The following RBFOX1 variants were observed in gnomAD, a reference collection of about 807,000 sequenced individuals.
RBFOX1 encodes the protein RNA binding protein fox-1 homolog 1.
RBFOX1 carries 8 observed loss-of-function variants against 57.7 expected under a neutral mutation model. The ratio of observed to expected loss-of-function variants is 0.14; its 90% CI spans 0.08 to 0.25. The LOEUF is 0.25. Ranked by LOEUF, RBFOX1 falls within the 10% of genes least tolerant of loss-of-function variation. The pLI, the probability that RBFOX1 is intolerant of heterozygous loss-of-function variation, is 1.00. For missense variants in RBFOX1, 611 were observed against 548.5 expected (o/e 1.11, Z -1.14); for synonymous variants, 326 against 222.4 (o/e 1.47, Z -4.15).
chr16:6,700,021 C>T (rs902581563), intron 3 of RBFOX1, among the ~76,000 whole-genome samples: 2 of 152,140 alleles, frequency 1.3e-5, no homozygotes, highest in Non-Finnish European at 2.9e-5. Flanking sequence ...TCTTTTCCTT[C>T]TCTTACGATT....
intron 4 of RBFOX1, among the ~76,000 whole-genome samples, chr16:5,879,065 G>A: frequency 6.6e-6 from 1 of 152,212 alleles, no homozygotes; most frequent in East Asian, 1.9e-4. Flanking sequence ...CCTCCTTACA[G>A]CTCAGCAGCC....
At chr16:7,526,738 C>A (rs1037842737) in intron 5 of RBFOX1, among the ~76,000 whole-genome samples, 1 of 152,224 alleles carries the variant, frequency 6.6e-6, no homozygotes, top group African/African-American at 2.4e-5. Flanking sequence ...TAAGCACTTT[C>A]CATGCACAAT....
At chr16:6,673,981 G>A (rs1366824849) in intron 3 of RBFOX1, among the ~76,000 whole-genome samples, 3 of 152,126 alleles carry the variant, frequency 2.0e-5, no homozygotes, top group Non-Finnish European at 4.4e-5. Flanking sequence ...CTCTAGGAAG[G>A]GAGAAACAGT....
rs564951391 is a variant in RBFOX1, at chr16:7,473,007, C to T, written c.28-45140C>T. 7.9e-5 allele frequency among the ~76,000 whole-genome samples: 12 copies of T among 151,996 alleles called. No homozygotes were observed. The South Asian group carries it at 2.5e-3, about 31-fold the overall frequency. On this transcript the variant is annotated intron_variant, in intron 4 of 15. Coordinates refer to ENST00000550418, the MANE Select transcript of RBFOX1 (RefSeq NM_018723.4). ...TCAGCAAGCTCTCCATTCCTCTCAA[C>T]CTCACAGTCCTTATATTCAAAAAGC... is the stretch of plus-strand genomic sequence containing the variant.
chr16:6,046,104 G>T (rs2095492815), intron 1 of RBFOX1, among the ~76,000 whole-genome samples: 2 of 152,148 alleles, frequency 1.3e-5, no homozygotes, highest in Non-Finnish European at 2.9e-5. Flanking sequence ...GGAACATTCT[G>T]ATTTTTGTGT....
intron 3 of RBFOX1, among the ~76,000 whole-genome samples, chr16:5,841,677 G>C (rs780540129): frequency 3.3e-5 from 5 of 152,254 alleles, no homozygotes; most frequent in Non-Finnish European, 5.9e-5. Context: ...TGTAAGTCAT[G>C]GGTGTCCTGT....
intron 3 of RBFOX1, among the ~76,000 whole-genome samples, chr16:7,046,886 G>T (rs112536769): frequency 0.039 from 5,926 of 152,050 alleles, 131 homozygotes; most frequent in Middle Eastern, 0.082. Flanking sequence ...AATTACAGGC[G>T]TGAGCCCCTG....
intron 2 of RBFOX1, among the ~76,000 whole-genome samples, chr16:5,553,526 A>G (rs1338691484): frequency 6.6e-6 from 1 of 152,080 alleles, no homozygotes; most frequent in East Asian, 1.9e-4. Flanking sequence ...TGTGTTAGCC[A>G]GGATGGTCTC....
At chr16:7,577,516 A>G (rs1056761200) in intron 5 of RBFOX1, among the ~76,000 whole-genome samples, 5 of 152,222 alleles carry the variant, frequency 3.3e-5, no homozygotes, top group Non-Finnish European at 7.3e-5. Context: ...TTTAACCTCC[A>G]GAATTGGCAA....
chr16:6,033,177 A>G (rs2095314867), intron 1 of RBFOX1, among the ~76,000 whole-genome samples: 1 of 152,248 alleles, frequency 6.6e-6, no homozygotes, highest in Non-Finnish European at 1.5e-5. Context: ...GGGCCTCTAT[A>G]CAGGAAAAAG....
intron 4 of RBFOX1, among the ~76,000 whole-genome samples, chr16:7,264,529 C>T (rs1453517076): frequency 6.6e-6 from 1 of 152,196 alleles, no homozygotes; most frequent in Non-Finnish European, 1.5e-5. Flanking sequence ...CACGTAGTCT[C>T]TGCCACAAGT....
chr16:6,726,783 T>A (rs1437161002), intron 3 of RBFOX1, among the ~76,000 whole-genome samples: 1 of 152,106 alleles, frequency 6.6e-6, no homozygotes, highest in Non-Finnish European at 1.5e-5. Flanking sequence ...ACGTAATTGC[T>A]ATGTTCCCTA....
At chr16:5,370,027 C>T (rs1270557948) in intron 1 of RBFOX1, among the ~76,000 whole-genome samples, 1 of 152,148 alleles carries the variant, frequency 6.6e-6, no homozygotes, top group Admixed American at 6.5e-5. Context: ...GCTTCCTTGT[C>T]TGCATCTATT....
intron 1 of RBFOX1, among the ~76,000 whole-genome samples, chr16:5,439,674 G>T (rs1305469478): frequency 6.6e-6 from 1 of 152,038 alleles, no homozygotes; most frequent in Admixed American, 6.6e-5. Context: ...CTCACTCCTG[G>T]CCTCAAGTGA....
At chr16:5,870,026 G>C (rs1343534734) in intron 4 of RBFOX1, among the ~76,000 whole-genome samples, 1 of 151,810 alleles carries the variant, frequency 6.6e-6, no homozygotes, top group African/African-American at 2.4e-5. Context: ...GACACAACCT[G>C]TATGACTCTT....
chr16:6,441,260 G>A (rs796081386), intron 2 of RBFOX1, among the ~76,000 whole-genome samples: 1 of 152,140 alleles, frequency 6.6e-6, no homozygotes, highest in Admixed American at 6.6e-5. Flanking sequence ...AGAGAGAGTT[G>A]TAAGTATCTC....
chr16:6,135,242 G>A (rs776757793), intron 1 of RBFOX1, among the ~76,000 whole-genome samples: 1 of 152,190 alleles, frequency 6.6e-6, no homozygotes, highest in African/African-American at 2.4e-5. Context: ...TGCACCCACA[G>A]AAGAGGTTTT....
At chr16:7,646,911 A>G (rs2063844810) in intron 11 of RBFOX1, among the ~76,000 whole-genome samples, 1 of 152,126 alleles carries the variant, frequency 6.6e-6, no homozygotes. Context: ...CTGTAAATAC[A>G]TTGAGTGCAG....
At chr16:6,690,843 C>T (rs2060110247) in intron 3 of RBFOX1, among the ~76,000 whole-genome samples, 1 of 149,514 alleles carries the variant, frequency 6.7e-6, no homozygotes. Flanking sequence ...TCTAAATTCA[C>T]ATTACTGAAT....
Sources: allele counts gnomAD v4.1 joint callset (sites outside exome capture counted in the v4.1 genomes callset), GRCh38; gene constraint gnomAD v4.1.1; transcripts MANE v1.5; gene names NCBI Gene and HGNC (gene_info 2026-07-23, HGNC 2026-07-21).